Variants in ACBD6 observed in about 807,000 individuals in gnomAD.
ACBD6 encodes the protein acyl-CoA binding domain containing 6, also known as acyl-CoA-binding domain-containing protein 6.
A neutral mutation model predicts 37.2 loss-of-function variants in ACBD6; 28 were observed. The ratio of observed to expected loss-of-function variants is 0.75; its 90% CI spans 0.56 to 1.03. ACBD6 has a LOEUF of 1.03. Ranked by LOEUF, ACBD6 falls within the 50% of genes least tolerant of loss-of-function variation. The pLI, the probability that ACBD6 is intolerant of heterozygous loss-of-function variation, is 0.00. For synonymous variants in ACBD6, 113 were observed against 126.8 expected (o/e 0.89, Z 0.73); for missense variants, 340 against 337.4 (o/e 1.01, Z -0.06).
intron 3 of ACBD6, among the ~76,000 whole-genome samples, chr1:180,484,307 C>T (rs1285821591): frequency 1.3e-5 from 2 of 152,154 alleles, no homozygotes; most frequent in African/African-American, 4.8e-5. Context: ...TTGAATTACA[C>T]ACTTAATGTT....
intron 7 of ACBD6, among the ~76,000 whole-genome samples, chr1:180,309,283 C>A (rs773018062): frequency 6.6e-6 from 1 of 152,130 alleles, no homozygotes; most frequent in Non-Finnish European, 1.5e-5. Flanking sequence ...TTATTTGAAT[C>A]CAGTCAGAAA....
At chr1:180,455,070 C>T (rs945123210) in intron 3 of ACBD6, among the ~76,000 whole-genome samples, 4 of 152,176 alleles carry the variant, frequency 2.6e-5, no homozygotes, top group Admixed American at 6.5e-5. Flanking sequence ...CACATGCACA[C>T]GTATGTTTAC....
At chr1:180,310,645 T>C (rs1488978491) in intron 7 of ACBD6, among the ~76,000 whole-genome samples, 1 of 152,232 alleles carries the variant, frequency 6.6e-6, no homozygotes, top group African/African-American at 2.4e-5. Context: ...TGTTTCATTA[T>C]ACAGATGTTC....
At chr1:180,334,579 C>A (rs1651626985) in intron 6 of ACBD6, among the ~76,000 whole-genome samples, 1 of 152,132 alleles carries the variant, frequency 6.6e-6, no homozygotes, top group Non-Finnish European at 1.5e-5. Flanking sequence ...AGCAGAAAAA[C>A]TGGAAACTCT....
At chr1:180,367,860 ATG>A (rs1653107121) in intron 6 of ACBD6, among the ~76,000 whole-genome samples, 1 of 152,166 alleles carries the variant, frequency 6.6e-6, no homozygotes, top group Admixed American at 6.5e-5. Flanking sequence ...ATTCACGTGC[ATG>A]TGTCTTTATG....
intron 6 of ACBD6, among the ~76,000 whole-genome samples, chr1:180,382,845 A>G (rs892707786): frequency 6.6e-6 from 1 of 152,258 alleles, no homozygotes; most frequent in Non-Finnish European, 1.5e-5. Context: ...TACAGAATAC[A>G]TCATGATCAA....
chr1:180,356,791 A>G (rs1322137248), intron 6 of ACBD6, among the ~76,000 whole-genome samples: 1 of 151,660 alleles, frequency 6.6e-6, no homozygotes, highest in Admixed American at 6.6e-5. Context: ...CGGAGGTTGC[A>G]ATGAGCTAAG....
At chr1:180,289,400 G>C (rs1649614915) in intron 7 of ACBD6, among the ~76,000 whole-genome samples, 1 of 152,080 alleles carries the variant, frequency 6.6e-6, no homozygotes, top group African/African-American at 2.4e-5. Context: ...AAAACCAGGA[G>C]ATACCATTTC....
At chr1:180,303,908 ATGAT>A (rs1650241236) in intron 7 of ACBD6, among the ~76,000 whole-genome samples, 1 of 150,846 alleles carries the variant, frequency 6.6e-6, no homozygotes, top group Admixed American at 6.6e-5. Context: ...CTTATCCACC[ATGAT>A]TAAGTGGGCT....
intron 7 of ACBD6, among the ~76,000 whole-genome samples, chr1:180,311,951 A>T (rs1650609588): frequency 6.6e-6 from 1 of 152,208 alleles, no homozygotes; most frequent in Non-Finnish European, 1.5e-5. Flanking sequence ...TCACATTGTC[A>T]TGTTGGAAGT....
At chr1:180,300,043 T>C (rs1292626577) in intron 7 of ACBD6, among the ~76,000 whole-genome samples, 2 of 152,138 alleles carry the variant, frequency 1.3e-5, no homozygotes, top group Non-Finnish European at 1.5e-5. Context: ...CTAGTTTTAA[T>C]CGGAAGGAGC....
At chr1:180,311,421 T>G (rs190152470) in intron 7 of ACBD6, among the ~76,000 whole-genome samples, 73 of 152,270 alleles carry the variant, frequency 4.8e-4, no homozygotes, top group African/African-American at 1.7e-3. Context: ...CTATTCATAG[T>G]TCTTTCTTTT....
chr1:180,351,843 A>G (rs1171992319), intron 6 of ACBD6, among the ~76,000 whole-genome samples: 1 of 152,212 alleles, frequency 6.6e-6, no homozygotes, highest in Non-Finnish European at 1.5e-5. Context: ...AGGTATTTTT[A>G]TATCCATGTT....
At chr1:180,466,650 T>C (rs1224114725) in intron 3 of ACBD6, among the ~76,000 whole-genome samples, 1 of 152,194 alleles carries the variant, frequency 6.6e-6, no homozygotes, top group Non-Finnish European at 1.5e-5. Context: ...TTCATTAAAA[T>C]TTACCTTTAA....
At chr1:180,283,212 T>C (rs1413201498) in intron 8 of ACBD6, among the ~76,000 whole-genome samples, 1 of 152,132 alleles carries the variant, frequency 6.6e-6, no homozygotes, top group African/African-American at 2.4e-5. Context: ...GAAACCGAGA[T>C]TGCTACGCAA....
intron 6 of ACBD6, among the ~76,000 whole-genome samples, chr1:180,353,864 A>C (rs1652516884): frequency 6.6e-6 from 1 of 151,886 alleles, no homozygotes; most frequent in African/African-American, 2.4e-5. Flanking sequence ...ATAAAGCAAA[A>C]ACATTTTAAT....
intron 6 of ACBD6, 49 bp downstream of exon 6, chr1:180,397,467 G>C (rs768456128): frequency 3.3e-6 from 5 of 1,497,332 alleles, no homozygotes; most frequent in Non-Finnish European, 4.7e-6. Context: ...TATGTTATGC[G>C]AATTATACTT....
At chr1:180,433,798 T>C (rs2102002235) in intron 3 of ACBD6, among the ~76,000 whole-genome samples, 1 of 152,212 alleles carries the variant, frequency 6.6e-6, no homozygotes, top group South Asian at 2.1e-4. Flanking sequence ...GCCCTCCTTT[T>C]ACCTGCCCCA....
At chr1:180,305,555 C>T (rs1447563456) in intron 7 of ACBD6, among the ~76,000 whole-genome samples, 3 of 152,154 alleles carry the variant, frequency 2.0e-5, no homozygotes, top group Non-Finnish European at 4.4e-5. Flanking sequence ...CAATGAGATA[C>T]CATCTCACAC....
Sources: allele counts gnomAD v4.1 joint callset (sites outside exome capture counted in the v4.1 genomes callset), GRCh38; gene constraint gnomAD v4.1.1; transcripts MANE v1.5; gene names NCBI Gene and HGNC (gene_info 2026-07-23, HGNC 2026-07-21).